EYS: variants seen among roughly 807,000 people sequenced by gnomAD.
The protein encoded by EYS is protein eyes shut homolog.
Under a neutral mutation model 282.1 loss-of-function variants are expected in EYS, and 250 were observed. The ratio of observed to expected loss-of-function variants is 0.89; its 90% confidence interval spans 0.80 to 0.98. EYS has a LOEUF of 0.98. Ranked by LOEUF, EYS falls within the 50% of genes least tolerant of loss-of-function variation. The probability of loss-of-function intolerance (pLI) is 0.00; values close to 1 mark genes in which losing one functional copy is unlikely to be tolerated. For synonymous variants in EYS, 1,355 were observed against 1,282.9 expected, an observed-to-expected ratio of 1.06 and a Z score of -1.20; for missense variants, 4,016 against 3,709.0, an observed-to-expected ratio of 1.08 and a Z score of -2.15.
chr6:63,731,100 G>A (rs749124296), intron 41 of EYS, among the ~76,000 whole-genome samples: 53 of 152,260 alleles, frequency 3.5e-4, no homozygotes, highest in Admixed American at 7.8e-4. Flanking sequence ...AAATGGAATC[G>A]CAGTGTGATG....
chr6:63,950,420 C>T (rs1047000705), intron 35 of EYS, among the ~76,000 whole-genome samples: 4 of 151,902 alleles, frequency 2.6e-5, no homozygotes, highest in African/African-American at 9.7e-5. Context: ...AGAGAACAAC[C>T]CCCTTTGACT....
At chr6:64,865,299 A>G (rs7772101) in intron 19 of EYS, among the ~76,000 whole-genome samples, 9,187 of 152,208 alleles carry the variant, frequency 0.06, 304 homozygotes, top group East Asian at 0.17. Context: ...TGTTAAGAAA[A>G]TAAAAGAGAT....
At chr6:63,786,756 TA>T (rs1770372569) in intron 39 of EYS, among the ~76,000 whole-genome samples, 1 of 152,166 alleles carries the variant, frequency 6.6e-6, no homozygotes, top group East Asian at 1.9e-4. Flanking sequence ...GGAGGCTTGT[TA>T]AAATGCAAAT....
At chr6:64,400,935 A>G (rs1213184415) in intron 28 of EYS, among the ~76,000 whole-genome samples, 8 of 152,054 alleles carry the variant, frequency 5.3e-5, no homozygotes, top group Admixed American at 5.2e-4. Context: ...TAAATAGAGT[A>G]TGGAAGAAAA....
At chr6:64,766,649 A>ATATATATATATATATAT (rs1554201272) in intron 22 of EYS, among the ~76,000 whole-genome samples, 8 of 19,062 alleles carry the variant, frequency 4.2e-4, no homozygotes, top group East Asian at 1.2e-3. Flanking sequence ...AAAAAAAAAA[A>ATATATATATATATATAT]ATATATATAT....
chr6:64,477,979 C>T (rs1293216650), intron 26 of EYS, among the ~76,000 whole-genome samples: 1 of 152,046 alleles, frequency 6.6e-6, no homozygotes, highest in East Asian at 1.9e-4. Flanking sequence ...TTATTCCTGT[C>T]ATTACCATTC....
intron 15 of EYS, among the ~76,000 whole-genome samples, chr6:64,913,374 C>A (rs1247492883): frequency 6.6e-6 from 1 of 151,982 alleles, no homozygotes; most frequent in Non-Finnish European, 1.5e-5. Context: ...AACACAGAAC[C>A]CAATAAATAG....
At chr6:63,983,353 T>C (rs898917150) in intron 35 of EYS, among the ~76,000 whole-genome samples, 1 of 151,848 alleles carries the variant, frequency 6.6e-6, no homozygotes, top group Non-Finnish European at 1.5e-5. Context: ...AATTTATTAC[T>C]GTCATTCTGT....
intron 1 of EYS, among the ~76,000 whole-genome samples, chr6:65,657,277 T>A (rs1767860470): frequency 6.6e-6 from 1 of 151,902 alleles, no homozygotes; most frequent in African/African-American, 2.4e-5. Flanking sequence ...ATTTTTACTT[T>A]CAAATTTTAT....
At chr6:65,301,536 C>A (rs907140605) in intron 11 of EYS, among the ~76,000 whole-genome samples, 8 of 152,148 alleles carry the variant, frequency 5.3e-5, no homozygotes, top group African/African-American at 1.7e-4. Context: ...AGCGGCCAAG[C>A]GAGAAGAAAG....
chr6:64,047,344 C>T (rs1039274133), intron 33 of EYS, among the ~76,000 whole-genome samples: 1 of 152,000 alleles, frequency 6.6e-6, no homozygotes, highest in Non-Finnish European at 1.5e-5. Flanking sequence ...CAAAAAACAA[C>T]AGAAACACAA....
At chr6:65,261,842 G>T (rs1290284970) in intron 12 of EYS, among the ~76,000 whole-genome samples, 1 of 152,050 alleles carries the variant, frequency 6.6e-6, no homozygotes, top group African/African-American at 2.4e-5. Context: ...ATACAAAAAT[G>T]TTTACTGTTT....
intron 35 of EYS, among the ~76,000 whole-genome samples, chr6:63,879,584 TA>T (rs1773073507): frequency 6.6e-6 from 1 of 152,180 alleles, no homozygotes; most frequent in South Asian, 2.1e-4. Context: ...TTTTTAGGCT[TA>T]AATGCATATA....
intron 15 of EYS, among the ~76,000 whole-genome samples, chr6:64,927,501 T>C (rs772152759): frequency 6.6e-6 from 1 of 152,060 alleles, no homozygotes; most frequent in Non-Finnish European, 1.5e-5. Context: ...GAAATAAAAC[T>C]TTTTACCATT....
At chr6:65,529,696 C>T (rs751273718) in intron 2 of EYS, among the ~76,000 whole-genome samples, 18 of 152,204 alleles carry the variant, frequency 1.2e-4, no homozygotes, top group South Asian at 4.2e-4. Context: ...AATGCCAGGA[C>T]GAAGGTATTA....
intron 35 of EYS, among the ~76,000 whole-genome samples, chr6:63,928,007 G>A (rs994162888): frequency 4.6e-5 from 7 of 152,132 alleles, no homozygotes; most frequent in African/African-American, 1.7e-4. Context: ...GAACAGTATG[G>A]CATAATGGAA....
At position 65,057,741 on chromosome 6, in the gene EYS, G is replaced by A. The variant is rs45628235; in HGVS notation, c.2024-14C>T. On this transcript the variant is annotated splice_polypyrimidine_tract_variant and intron_variant, in intron 12 of 42. Coordinates refer to ENST00000503581, the MANE Select transcript of EYS (RefSeq NM_001142800.2). Reference sequence around the variant, plus strand: ...CACATTGCGTACCTTTGGAAAATAGGAAAAAAAAATGTTAAGTGTTAACAA... The same window carrying A: ...CACATTGCGTACCTTTGGAAAATAGAAAAAAAAAATGTTAAGTGTTAACAA... 0.22 allele frequency: 309,338 copies of A among 1,402,738 alleles called. 37,079 individuals carry two copies. The highest frequency in any genetic ancestry group is 0.27 in the South Asian group (21,011 of 78,532). 86.9% of individuals were successfully genotyped at this position (1,402,738 alleles called of 1,614,324 possible). A position where few individuals can be genotyped will look rare whatever the true frequency, so the allele number is the denominator to read the frequency against.
At chr6:65,352,393 C>T (rs541744863) in intron 9 of EYS, among the ~76,000 whole-genome samples, 1 of 151,708 alleles carries the variant, frequency 6.6e-6, no homozygotes, top group South Asian at 2.1e-4. Flanking sequence ...ATGAAAATAC[C>T]ATATAGTCTT....
At chr6:65,142,569 T>G (rs1764374855) in intron 12 of EYS, among the ~76,000 whole-genome samples, 1 of 150,892 alleles carries the variant, frequency 6.6e-6, no homozygotes, top group Non-Finnish European at 1.5e-5. Flanking sequence ...ATAGCAGATG[T>G]AACTACTGGG....
Sources: gnomAD v4.1 joint callset for allele counts (sites outside exome capture counted in the v4.1 genomes callset) on GRCh38, gnomAD v4.1.1 for gene constraint, MANE v1.5 for transcripts, NCBI Gene and HGNC (gene_info 2026-07-23, HGNC 2026-07-21) for gene names.